Variants in PLXNA2 observed in about 807,000 individuals in gnomAD.
PLXNA2 encodes plexin A2, also known as plexin-A2.
A neutral mutation model predicts 193.5 loss-of-function variants in PLXNA2; 91 were observed. The observed-to-expected ratio is 0.47, with a 90% CI of 0.40 to 0.56. The LOEUF (loss-of-function observed/expected upper bound fraction) is 0.56, where lower values mean the gene tolerates loss of function less well. Ranked by LOEUF, PLXNA2 falls within the 20% of genes least tolerant of loss-of-function variation. The probability of loss-of-function intolerance (pLI) is 0.00; values close to 1 mark genes in which losing one functional copy is unlikely to be tolerated. For missense variants in PLXNA2, 1,995 were observed against 2,503.2 expected (o/e 0.80, Z 4.33); for synonymous variants, 997 against 1,027.3 (o/e 0.97, Z 0.56).
At chr1:208,057,169 T>C (rs755341277) in intron 13 of PLXNA2, among the ~76,000 whole-genome samples, 2 of 152,240 alleles carry the variant, frequency 1.3e-5, no homozygotes, top group African/African-American at 4.8e-5. Context: ...CCAGGCACTC[T>C]ACAAGACAGG....
chr1:208,159,846 T>TGG, intron 3 of PLXNA2, among the ~76,000 whole-genome samples: 1 of 152,270 alleles, frequency 6.6e-6, no homozygotes, highest in East Asian at 1.9e-4. Context: ...GGTGAACCTG[T>TGG]GCTTCCAGAG....
At chr1:208,233,879 T>C (rs1475176615) in intron 1 of PLXNA2, among the ~76,000 whole-genome samples, 1 of 152,032 alleles carries the variant, frequency 6.6e-6, no homozygotes, top group Non-Finnish European at 1.5e-5. Context: ...GGAAAGCTGG[T>C]TGGAGCTATT....
intron 3 of PLXNA2, among the ~76,000 whole-genome samples, chr1:208,204,481 T>C (rs1412905416): frequency 1.3e-5 from 2 of 152,330 alleles, no homozygotes; most frequent in East Asian, 3.9e-4. Context: ...CCACCAGAAG[T>C]TGTCCTGTTT....
chr1:208,120,508 ACT>A (rs1321695997), intron 4 of PLXNA2, among the ~76,000 whole-genome samples: 5 of 151,838 alleles, frequency 3.3e-5, no homozygotes, highest in Admixed American at 6.6e-5. Context: ...AGAAGATTGA[ACT>A]CTCTGAGACT....
intron 3 of PLXNA2, among the ~76,000 whole-genome samples, chr1:208,150,296 A>G (rs1571970611): frequency 3.3e-5 from 5 of 152,280 alleles, no homozygotes; most frequent in Admixed American, 3.3e-4. Flanking sequence ...ATTTCCATGT[A>G]CAATTATTTC....
chr1:208,231,385 C>G lies in PLXNA2; in HGVS notation c.-81+12258G>C, dbSNP rs559840768. On this transcript the variant is annotated intron_variant, in intron 1 of 31. Coordinates refer to ENST00000367033, the MANE Select transcript of PLXNA2 (RefSeq NM_025179.4). ...GGGTGAGGAGAAAGAATGTGGAGGT[C>G]AAGGAGCAAAGAAAATGCTCCTGGA... is the stretch of plus-strand genomic sequence containing the variant. Among the ~76,000 whole-genome samples the G allele has an allele frequency of 1.9e-4, 29 of 152,132 alleles. 1 individual carries two copies. The South Asian group carries it at 5.8e-3, about 31-fold the overall frequency.
At chr1:208,098,296 T>C (rs2102410787) in intron 6 of PLXNA2, among the ~76,000 whole-genome samples, 1 of 152,328 alleles carries the variant, frequency 6.6e-6, no homozygotes, top group Middle Eastern at 3.4e-3. Flanking sequence ...GAAATAATAA[T>C]GCAGGGCCTG....
At chr1:208,146,743 T>C (rs995033042) in intron 3 of PLXNA2, among the ~76,000 whole-genome samples, 12 of 152,154 alleles carry the variant, frequency 7.9e-5, no homozygotes, top group African/African-American at 2.7e-4. Context: ...AGCCCTTGCA[T>C]GCGGTGCAAC....
At chr1:208,052,245 A>G (rs779909516) in intron 15 of PLXNA2, 82 bp downstream of exon 15, 28 of 1,409,182 alleles carry the variant, frequency 2.0e-5, no homozygotes, top group Non-Finnish European at 2.7e-5. Flanking sequence ...GGGCAGGCCT[A>G]TGAATGAACA....
Position 208,038,990 on chromosome 1 carries a change from A to G in PLXNA2, c.4501-6T>C, listed in dbSNP as rs111507533. On this transcript the variant is annotated splice_region_variant and splice_polypyrimidine_tract_variant and intron_variant, in intron 24 of 31. Coordinates refer to ENST00000367033, the MANE Select transcript of PLXNA2 (RefSeq NM_025179.4). The surrounding 1 kb of genome is among the most constrained non-coding windows in gnomAD (Gnocchi z 4.1). The stretch of plus-strand genomic sequence containing the variant: ...GGGTTGACGCAGTTCAGGATCTACA[A>G]GTAGGGGACAGAGGGTGAGCAGGAC... 3.4e-3 allele frequency: 5,428 copies of G among 1,613,018 alleles called. 159 individuals carry two copies. The African/African-American group carries it at 0.058, about 17-fold the overall frequency.
chr1:208,057,341 A>G (rs1054675867), intron 13 of PLXNA2, among the ~76,000 whole-genome samples: 1 of 152,218 alleles, frequency 6.6e-6, no homozygotes, highest in African/African-American at 2.4e-5. Context: ...TCCAGAGCTC[A>G]TGCTTCTGAC....
intron 8 of PLXNA2, among the ~76,000 whole-genome samples, 182 bp from the exon 9 acceptor site, chr1:208,093,082 C>G (rs938197322): frequency 6.6e-6 from 1 of 152,182 alleles, no homozygotes; most frequent in African/African-American, 2.4e-5. Flanking sequence ...TTCATGGGAA[C>G]AGAAAATTGG....
intron 4 of PLXNA2, among the ~76,000 whole-genome samples, chr1:208,112,905 C>G (rs992566567): frequency 6.8e-6 from 1 of 148,084 alleles, no homozygotes; most frequent in African/African-American, 2.5e-5. Flanking sequence ...ATACTCCAAA[C>G]ATCAAACCAT....
At chr1:208,165,459 T>G (rs1028442165) in intron 3 of PLXNA2, among the ~76,000 whole-genome samples, 3 of 152,176 alleles carry the variant, frequency 2.0e-5, no homozygotes, top group Non-Finnish European at 4.4e-5. Flanking sequence ...GTCACACATC[T>G]AGGAAGTGGC....
At chr1:208,138,310 G>A (rs1333019197) in intron 4 of PLXNA2, among the ~76,000 whole-genome samples, 1 of 152,212 alleles carries the variant, frequency 6.6e-6, no homozygotes, top group African/African-American at 2.4e-5. Context: ...TTGGCTTCGT[G>A]TTAGATGATT....
intron 20 of PLXNA2, among the ~76,000 whole-genome samples, chr1:208,043,654 G>C (rs1664955679): frequency 6.6e-6 from 1 of 152,176 alleles, no homozygotes; most frequent in Admixed American, 6.5e-5. Context: ...TCAGCTGAGA[G>C]CCGAGTTTGG....
Position 208,027,935 on chromosome 1 carries a change from A to G in PLXNA2, c.5589+74T>C, listed in dbSNP as rs1465743613. 5.9e-6 allele frequency: 8 copies of G among 1,364,206 alleles called. No homozygotes were observed. The East Asian group carries it at 1.8e-4, about 31-fold the overall frequency. 84.5% of individuals were successfully genotyped at this position (1,364,206 alleles called of 1,614,324 possible). On this transcript the variant is annotated intron_variant, in intron 31 of 31. Transcript: ENST00000367033. ...CCCTGAATGTGTTTTCTAAATTGCC[A>G]TCTATTTAAGGACTGAGTCAGGCTT...
chr1:208,187,797 C>A (rs1379417895), intron 3 of PLXNA2, among the ~76,000 whole-genome samples: 8 of 152,164 alleles, frequency 5.3e-5, no homozygotes, highest in Non-Finnish European at 8.8e-5. Context: ...CTTTCTGATG[C>A]TGCTGATCAG....
At chr1:208,035,554 G>A (rs567028927) in intron 26 of PLXNA2, among the ~76,000 whole-genome samples, 1 of 152,220 alleles carries the variant, frequency 6.6e-6, no homozygotes, top group African/African-American at 2.4e-5. Flanking sequence ...AGACATTTGG[G>A]GCCATTTTGA....
Sources: gnomAD v4.1 joint callset for allele counts (sites outside exome capture counted in the v4.1 genomes callset) on GRCh38, gnomAD v4.1.1 for gene constraint, Gnocchi (gnomAD v3.1) non-coding constraint, MANE v1.5 for transcripts, NCBI Gene and HGNC (gene_info 2026-07-23, HGNC 2026-07-21) for gene names.